The following WDR75 variants were observed in gnomAD, a reference collection of about 807,000 sequenced individuals.
WDR75 encodes WD repeat-containing protein 75.
A neutral mutation model predicts 106.1 loss-of-function variants in WDR75; 52 were observed. That is an observed-to-expected ratio of 0.49 (90% CI 0.39 to 0.62). WDR75 has a LOEUF of 0.62. Among genes scored for constraint, WDR75 ranks in the 20% least tolerant of loss-of-function variants. The pLI is 0.00. For missense variants in WDR75, 905 were observed against 970.3 expected, an observed-to-expected ratio of 0.93 and a Z score of 0.89; for synonymous variants, 333 against 335.5, an observed-to-expected ratio of 0.99 and a Z score of 0.08.
intron 4 of WDR75, 170 bp downstream of exon 4, chr2:189,452,065 G>A (rs914018174): frequency 1.8e-6 from 1 of 556,344 alleles, no homozygotes; most frequent in Admixed American, 3.3e-5. Context: ...TATGAATTCT[G>A]AAATATGCAG....
At chr2:189,457,511 A>G in intron 6 of WDR75, 130 bp downstream of exon 6, 1 of 619,104 alleles carries the variant, frequency 1.6e-6, no homozygotes, top group South Asian at 2.0e-5. Flanking sequence ...ACTGTGAAGT[A>G]TGGAGGTACA....
Position 189,463,949 on chromosome 2 carries a change from A to T in WDR75, c.1101A>T (p.Lys367Asn), listed in dbSNP as rs75734760. 42 of 1,613,110 alleles carry T rather than the reference A, an allele frequency of 2.6e-5. No homozygotes were observed. Among genetic ancestry groups the T allele is most frequent in the Non-Finnish European group, 3.6e-5 (42 of 1,179,530 alleles). Residue 367 changes from lysine (K) to asparagine (N), a missense_variant, in exon 11 of 21, where the codon AAA (lysine) becomes AAT (asparagine). Physicochemically the swap from Lys to Asn is moderately conservative, Grantham distance 94. Transcript: ENST00000314761. ...AGTTTTATTCTCTCCAGAGTGATAA[A>T]CAGTTATACAATGTAAGATTTTGAT... ...HLQFYSLQSD[K>N]QLYNLDIIQQ...
At chr2:189,462,314 C>T (rs1002473418) in intron 8 of WDR75, among the ~76,000 whole-genome samples, 170 bp from the exon 9 acceptor site, 5 of 152,114 alleles carry the variant, frequency 3.3e-5, no homozygotes, top group Admixed American at 1.3e-4. Context: ...ATTCCTGAAC[C>T]AGTGATCATT....
chr2:189,475,017 T>G (rs528213524), intron 20 of WDR75, among the ~76,000 whole-genome samples, 196 bp from the exon 21 acceptor site: 63 of 152,324 alleles, frequency 4.1e-4, no homozygotes, highest in African/African-American at 1.5e-3. Context: ...TTTTAAGGGC[T>G]TGGTACATAA....
intron 14 of WDR75, among the ~76,000 whole-genome samples, 174 bp from the exon 15 acceptor site, chr2:189,468,301 A>G (rs1687046945): frequency 6.6e-6 from 1 of 152,132 alleles, no homozygotes; most frequent in Non-Finnish European, 1.5e-5. Context: ...AGCTAACTAG[A>G]CCCTTCCTTT....
chr2:189,467,349 C>T (rs183480131), intron 13 of WDR75, 119 bp from the exon 14 acceptor site: 43 of 992,776 alleles, frequency 4.3e-5, no homozygotes, highest in Middle Eastern at 3.3e-4. Flanking sequence ...CCTCAGTTGA[C>T]CCCTAGGAAC....
intron 2 of WDR75, chr2:189,450,678 T>A: frequency 7.5e-7 from 1 of 1,341,518 alleles, no homozygotes; most frequent in Non-Finnish European, 9.5e-7. Context: ...GTTGGCTTTT[T>A]TCCTCTCTCT....
chr2:189,446,991 A>G (rs967993648), intron 1 of WDR75, among the ~76,000 whole-genome samples: 3 of 152,172 alleles, frequency 2.0e-5, no homozygotes, highest in African/African-American at 7.2e-5. Flanking sequence ...TACAGCAGAG[A>G]ATGCTGGAAA....
In WDR75 at chr2:189,465,183, A is replaced by G. The variant is rs752877553; in HGVS notation, c.1218A>G (p.Glu406=). The G allele has an allele frequency of 1.9e-6, 3 of 1,613,312 alleles. No homozygotes were observed. The Admixed American group carries it at 5.0e-5, about 27-fold the overall frequency. Residue 406 remains glutamate (E), a synonymous_variant, in exon 12 of 21, where the codon GAA becomes GAG. Transcript: ENST00000314761. ...TTGGTAACTGGCTTGCAACAGTGGAACAGCGGCAAGAAAAGGAAACTGAGC... is the reference window on the plus strand; with the variant it reads ...TTGGTAACTGGCTTGCAACAGTGGAGCAGCGGCAAGAAAAGGAAACTGAGC... ...GCFGNWLATV[E]QRQEKETELE...
intron 18 of WDR75, among the ~76,000 whole-genome samples, chr2:189,472,131 T>C (rs187719113): frequency 3.3e-5 from 5 of 152,310 alleles, no homozygotes; most frequent in Admixed American, 6.5e-5. Context: ...GTGAGAAAAG[T>C]AGTCAAGTCT....
chr2:189,452,572 T>G (rs1686648831), intron 4 of WDR75, among the ~76,000 whole-genome samples: 1 of 151,440 alleles, frequency 6.6e-6, no homozygotes, highest in African/African-American at 2.4e-5. Flanking sequence ...AAAAAAAAAT[T>G]GGTTGATATT....
rs1419314826 is a variant in WDR75, at chr2:189,475,377, A to C, written c.2453A>C (p.Lys818Thr). 6.2e-7 allele frequency: 1 copy of C among 1,612,184 alleles called. No homozygotes were observed. The highest frequency in any genetic ancestry group is 1.7e-5 in the Admixed American group (1 of 59,770). The change falls in exon 21 of 21, where the codon AAA becomes ACA. Residue 818 changes from lysine (K) to threonine (T), a missense_variant. Lys to Thr is a moderately conservative substitution (Grantham distance 78). Transcript: ENST00000314761. ...LSKSEEKELR[K>T]FRKIDYSWIA... ...AAATCTGAAGAAAAAGAACTGAGAAAATTTAGGAAAATAGACTACAGCTGG... is the reference window on the plus strand; with the variant it reads ...AAATCTGAAGAAAAAGAACTGAGAACATTTAGGAAAATAGACTACAGCTGG...
intron 2 of WDR75, chr2:189,449,868 G>T: frequency 2.0e-6 from 2 of 984,776 alleles, no homozygotes; most frequent in Non-Finnish European, 2.4e-6. Context: ...TCTATTTGCA[G>T]AAATCCTAAA....
At chr2:189,452,072 G>C (rs1467010853) in intron 4 of WDR75, 177 bp downstream of exon 4, 1 of 545,132 alleles carries the variant, frequency 1.8e-6, no homozygotes, top group Non-Finnish European at 3.2e-6. Context: ...TCTGAAATAT[G>C]CAGTGAGGGA....
intron 8 of WDR75, 40 bp from the exon 9 acceptor site, chr2:189,462,444 C>T: frequency 6.3e-7 from 1 of 1,587,362 alleles, no homozygotes; most frequent in Non-Finnish European, 8.6e-7. Flanking sequence ...CTTTTTTCCT[C>T]AAAACACCAT....
In WDR75 at chr2:189,451,857, A is replaced by C; in HGVS notation, c.335A>C (p.Glu112Ala). 6.2e-7 allele frequency: 1 copy of C among 1,613,646 alleles called. No individual in the cohort carries two copies. The highest frequency in any genetic ancestry group is 1.1e-5 in the South Asian group (1 of 91,088). ...LHALFTLAQA[E>A]DSVFVIVNKE... ...GCCCTCTTTACTCTTGCCCAAGCTG[A>C]GGATTCTGTCTTTGTTATAGTGAAT... Residue 112 changes from glutamate (E) to alanine (A), a missense_variant, in exon 4 of 21, where the codon GAG (glutamate) becomes GCG (alanine). By Grantham distance (107) the Glu-to-Ala change is moderately radical. Coordinates refer to ENST00000314761, the MANE Select transcript of WDR75 (RefSeq NM_032168.3).
intron 8 of WDR75, among the ~76,000 whole-genome samples, chr2:189,460,431 C>G (rs1168593451): frequency 2.6e-5 from 4 of 152,058 alleles, no homozygotes; most frequent in Non-Finnish European, 5.9e-5. Context: ...TCTCTACCCT[C>G]CTTCCCACTC....
chr2:189,465,321 C>G lies in WDR75; in HGVS notation c.1289+67C>G, dbSNP rs1419233739. The G allele has an allele frequency of 2.8e-6, 4 of 1,454,036 alleles. No homozygotes were observed. The South Asian group carries it at 4.4e-5, about 16-fold the overall frequency. The allele number at this position is 1,454,036 out of a possible 1,614,324, so 90.1% of individuals were successfully genotyped here. A position where few individuals can be genotyped will look rare whatever the true frequency, so the allele number is the denominator to read the frequency against. On this transcript the variant is annotated intron_variant, in intron 12 of 20. Transcript: ENST00000314761. The stretch of plus-strand genomic sequence containing the variant: ...TATTTCACTTCCCATTTTACAGTTT[C>G]AATTGTCTTTAAGATGTTTCATCTT...
At position 189,462,654 on chromosome 2, in the gene WDR75, T is replaced by C. The variant is rs1165078031; in HGVS notation, c.937+12T>C. 2 of 1,611,404 alleles carry C rather than the reference T, an allele frequency of 1.2e-6. No homozygotes were observed. Among genetic ancestry groups the C allele is most frequent in the South Asian group, 1.1e-5 (1 of 90,920 alleles). ...TCACTCTGATAATAGTAAGTCTAAA[T>C]TTTTTATTATGAGGAAATATATAAA... On this transcript the variant is annotated intron_variant, in intron 9 of 20. Coordinates refer to ENST00000314761, the MANE Select transcript of WDR75 (RefSeq NM_032168.3).
Sources: allele counts gnomAD v4.1 joint callset (sites outside exome capture counted in the v4.1 genomes callset), GRCh38; gene constraint gnomAD v4.1.1; transcripts MANE v1.5; gene names NCBI Gene and HGNC (gene_info 2026-07-23, HGNC 2026-07-21).